The following FBN2 variants were observed in gnomAD, a reference collection of about 807,000 sequenced individuals.
FBN2 encodes fibrillin 2, also known as fibrillin-2.
FBN2 carries 105 observed loss-of-function variants against 355.6 expected under a neutral mutation model. The observed-to-expected ratio is 0.30, with a 90% confidence interval of 0.25 to 0.35. The LOEUF is 0.35. Among genes scored for constraint, FBN2 ranks in the 10% least tolerant of loss-of-function variants. The probability of loss-of-function intolerance (pLI) is 1.00; values close to 1 mark genes in which losing one functional copy is unlikely to be tolerated. For synonymous variants in FBN2, 1,350 were observed against 1,301.2 expected, an observed-to-expected ratio of 1.04 and a Z score of -0.81; for missense variants, 3,280 against 3,758.7, an observed-to-expected ratio of 0.87 and a Z score of 3.33.
chr5:128,313,403 C>G (rs1438569079), intron 36 of FBN2, among the ~76,000 whole-genome samples: 1 of 152,176 alleles, frequency 6.6e-6, no homozygotes, highest in Non-Finnish European at 1.5e-5. Context: ...TTCATTTCTT[C>G]TCTTAAACAT....
intron 63 of FBN2, 134 bp from the exon 64 acceptor site, chr5:128,262,041 T>C (rs113585235): frequency 3.9e-6 from 3 of 760,362 alleles, no homozygotes; most frequent in Non-Finnish European, 7.0e-6. Context: ...AACCCTAATA[T>C]TCTTTGCAAC....
At chr5:128,382,630 C>A (rs1038694674) in intron 11 of FBN2, among the ~76,000 whole-genome samples, 1 of 152,070 alleles carries the variant, frequency 6.6e-6, no homozygotes, top group African/African-American at 2.4e-5. Flanking sequence ...TATTTCCTCC[C>A]AATCTGCACC....
At chr5:128,413,646 A>C (rs968077835) in intron 7 of FBN2, among the ~76,000 whole-genome samples, 1 of 152,186 alleles carries the variant, frequency 6.6e-6, no homozygotes, top group Non-Finnish European at 1.5e-5. Flanking sequence ...AGTAGTGATA[A>C]CATGATCTCA....
At chr5:128,525,775 T>G (rs1195641734) in intron 4 of FBN2, among the ~76,000 whole-genome samples, 2 of 152,206 alleles carry the variant, frequency 1.3e-5, no homozygotes, top group African/African-American at 2.4e-5. Context: ...GTACTTCCCA[T>G]GAGCTAAGAG....
intron 5 of FBN2, 112 bp downstream of exon 5, chr5:128,519,156 CAAAGA>C: frequency 1.3e-6 from 1 of 775,006 alleles, no homozygotes; most frequent in Middle Eastern, 2.9e-4. Context: ...GAGACATAAT[CAAAGA>C]AGAGTAAAAA....
At chr5:128,533,693 A>C (rs1299481759) in intron 2 of FBN2, among the ~76,000 whole-genome samples, 1 of 152,168 alleles carries the variant, frequency 6.6e-6, no homozygotes, top group African/African-American at 2.4e-5. Context: ...GCATAACATA[A>C]AGGAATTATA....
At chr5:128,407,124 ACAG>A (rs1752946269) in intron 8 of FBN2, among the ~76,000 whole-genome samples, 2 of 152,150 alleles carry the variant, frequency 1.3e-5, no homozygotes, top group East Asian at 3.9e-4. Context: ...ACATCTAGCC[ACAG>A]GATCTCCACA....
chr5:128,373,324 A>G (rs1192820147), intron 15 of FBN2, among the ~76,000 whole-genome samples: 3 of 152,244 alleles, frequency 2.0e-5, no homozygotes, highest in African/African-American at 7.2e-5. Context: ...TAGCTCTGTA[A>G]GCAGGAAGAA....
At chr5:128,368,262 A>G (rs1751825474) in intron 16 of FBN2, among the ~76,000 whole-genome samples, 2 of 151,952 alleles carry the variant, frequency 1.3e-5, no homozygotes, top group African/African-American at 4.8e-5. Context: ...CGTATATTCA[A>G]TATATATTCA....
At chr5:128,365,107 C>A in intron 17 of FBN2, 1 of 189,220 alleles carries the variant, frequency 5.3e-6, no homozygotes. Context: ...TAGGGTGGCC[C>A]ATATAATTTT....
At chr5:128,305,658 T>C in intron 43 of FBN2, 22 bp from the exon 44 acceptor site, 1 of 1,613,726 alleles carries the variant, frequency 6.2e-7, no homozygotes, top group Non-Finnish European at 8.5e-7. Flanking sequence ...ACAATTCCAT[T>C]TTAAAGAGTC....
intron 5 of FBN2, among the ~76,000 whole-genome samples, chr5:128,466,040 C>T (rs971735994): frequency 6.6e-6 from 1 of 152,188 alleles, no homozygotes; most frequent in Admixed American, 6.5e-5. Flanking sequence ...CTGTGATTTA[C>T]TTTCAGTGAA....
intron 6 of FBN2, among the ~76,000 whole-genome samples, chr5:128,459,282 C>G (rs1226542872): frequency 6.6e-6 from 1 of 152,120 alleles, no homozygotes; most frequent in African/African-American, 2.4e-5. Context: ...AGACCACTAA[C>G]AAGCTCTGAA....
chr5:128,533,125 T>C (rs968405517), intron 2 of FBN2, among the ~76,000 whole-genome samples: 1 of 152,244 alleles, frequency 6.6e-6, no homozygotes, highest in Non-Finnish European at 1.5e-5. Flanking sequence ...TTTCCTGCCA[T>C]GGAGTTGACT....
rs1433349138 is a variant in FBN2, at chr5:128,297,690, T to G, written c.6166+3127A>C. On this transcript the variant is annotated intron_variant, in intron 48 of 64. Transcript: ENST00000262464. The stretch of plus-strand genomic sequence containing the variant: ...CTTTTTTTGTTTTCCATTTGCTCGG[T>G]AGATCTTCCTCCATCCTTTTATTTT... 3.9e-5 allele frequency among the ~76,000 whole-genome samples: 6 copies of G among 152,200 alleles called. No individual in the cohort carries two copies. In the South Asian group the frequency reaches 1.2e-3, roughly 32 times the overall value.
chr5:128,309,961 A>G (rs1185593650), intron 40 of FBN2, 22 bp downstream of exon 40: 9 of 1,612,600 alleles, frequency 5.6e-6, no homozygotes, highest in African/African-American at 1.3e-5. Context: ...TGCTCTAATT[A>G]ATCTCAGAGT....
intron 7 of FBN2, among the ~76,000 whole-genome samples, chr5:128,424,737 G>C (rs149051299): frequency 1.3e-5 from 2 of 152,204 alleles, no homozygotes; most frequent in South Asian, 4.2e-4. Flanking sequence ...GTAATGAAAG[G>C]TTCCCTTTTG....
At chr5:128,290,919 T>G (rs755458447) in intron 49 of FBN2, 35 bp from the exon 50 acceptor site, 1 of 1,592,000 alleles carries the variant, frequency 6.3e-7, no homozygotes, top group Non-Finnish European at 8.6e-7. Context: ...GATGGAATTA[T>G]TTTGTAACAC....
chr5:128,453,422 G>A (rs1293824250), intron 6 of FBN2, among the ~76,000 whole-genome samples: 3 of 152,088 alleles, frequency 2.0e-5, no homozygotes, highest in African/African-American at 7.2e-5. Context: ...ATAGCACCTG[G>A]ACTACTGCAG....
Sources: allele counts gnomAD v4.1 joint callset (sites outside exome capture counted in the v4.1 genomes callset), GRCh38; gene constraint gnomAD v4.1.1; transcripts MANE v1.5; gene names NCBI Gene and HGNC (gene_info 2026-07-23, HGNC 2026-07-21).